BRDT: variants seen among roughly 807,000 people sequenced by gnomAD.
BRDT encodes bromodomain testis-specific protein.
In BRDT, 77 loss-of-function variants were observed where a neutral mutation model predicts 113.9. That is an observed-to-expected ratio of 0.68 (90% CI 0.56 to 0.82). The LOEUF is 0.82. Ranked by LOEUF, BRDT falls within the 40% of genes least tolerant of loss-of-function variation. The pLI is 0.00. For synonymous variants in BRDT, 358 were observed against 366.5 expected (o/e 0.98, Z 0.26); for missense variants, 1,027 against 1,105.4 (o/e 0.93, Z 1.01).
intron 7 of BRDT, among the ~76,000 whole-genome samples, chr1:91,978,642 A>G (rs12045408): frequency 0.096 from 14,616 of 152,122 alleles, 1,072 homozygotes; most frequent in East Asian, 0.4. Flanking sequence ...TGTCCCACTG[A>G]GGGGACAGTC....
chr1:91,963,052 G>C, intron 2 of BRDT, 106 bp downstream of exon 2: 1 of 892,254 alleles, frequency 1.1e-6, no homozygotes, highest in Non-Finnish European at 1.6e-6. Context: ...GGCCAGGCGC[G>C]TTGGCTCCCG....
At chr1:91,973,880 A>C (rs532190566) in intron 4 of BRDT, among the ~76,000 whole-genome samples, 3 of 152,284 alleles carry the variant, frequency 2.0e-5, no homozygotes, top group African/African-American at 7.2e-5. Flanking sequence ...AAAAGTTTTC[A>C]AACTATACTA....
At chr1:92,008,303 G>A (rs879840428) in intron 18 of BRDT, among the ~76,000 whole-genome samples, 4 of 152,042 alleles carry the variant, frequency 2.6e-5, no homozygotes, top group Non-Finnish European at 5.9e-5. Flanking sequence ...TTATAGTCTG[G>A]GTCCGCTGGC....
intron 15 of BRDT, among the ~76,000 whole-genome samples, chr1:91,997,118 A>AT (rs139209679): frequency 0.069 from 10,373 of 150,588 alleles, 363 homozygotes; most frequent in Non-Finnish European, 0.088. Context: ...AGGAAGATAG[A>AT]TTTTTTTTTT....
intron 14 of BRDT, 100 bp downstream of exon 14, chr1:91,992,414 A>C (rs1685878792): frequency 4.3e-5 from 4 of 92,838 alleles, no homozygotes; most frequent in South Asian, 4.1e-4. Flanking sequence ...AAGAGAGGCA[A>C]AAAAAAAAAA....
chr1:91,976,944 G>A lies in BRDT; in HGVS notation c.619-99G>A, dbSNP rs1570517155. On this transcript the variant is annotated intron_variant, in intron 5 of 18. Transcript: ENST00000399546. ...TGTAAATTATCTATATGAAGACTTG[G>A]TGCCAATAATCTTTCCCTTTTTTTC... is the stretch of plus-strand genomic sequence containing the variant. 6.7e-6 allele frequency: 6 copies of A among 902,168 alleles called. 1 individual carries two copies. In the South Asian group the frequency reaches 8.3e-5, roughly 13 times the overall value. The allele number at this position is 902,168 out of a possible 1,614,324, so 55.9% of individuals were successfully genotyped here. A position where few individuals can be genotyped will look rare whatever the true frequency, so the allele number is the denominator to read the frequency against.
chr1:91,995,212 G>T (rs1412322591), intron 15 of BRDT, among the ~76,000 whole-genome samples: 2 of 152,076 alleles, frequency 1.3e-5, no homozygotes, highest in Non-Finnish European at 2.9e-5. Context: ...GTTAAGGGCA[G>T]ATATGAATAT....
chr1:91,982,145 A>T (rs1201929129), intron 12 of BRDT, among the ~76,000 whole-genome samples: 2 of 152,204 alleles, frequency 1.3e-5, no homozygotes, highest in Non-Finnish European at 2.9e-5. Flanking sequence ...GATCACTCTA[A>T]TGTTGCAAGG....
At chr1:91,978,997 C>CAAAAAAAAA (rs774952902) in intron 7 of BRDT, among the ~76,000 whole-genome samples, 1 of 77,152 alleles carries the variant, frequency 1.3e-5, no homozygotes, top group Non-Finnish European at 2.6e-5. Flanking sequence ...GACTACGTCT[C>CAAAAAAAAA]AAAAAAAAAA....
chr1:91,956,476 C>G (rs552050427), intron 1 of BRDT, among the ~76,000 whole-genome samples: 29 of 152,282 alleles, frequency 1.9e-4, no homozygotes, highest in African/African-American at 6.5e-4. Flanking sequence ...TCTGCATTGT[C>G]TCATACAGTA....
At chr1:91,995,600 T>TG (rs1189564601) in intron 15 of BRDT, among the ~76,000 whole-genome samples, 6 of 151,822 alleles carry the variant, frequency 4.0e-5, no homozygotes, top group Admixed American at 6.6e-5. Flanking sequence ...GTAGCTGGGA[T>TG]TACAGGCATG....
At chr1:91,978,945 C>A (rs1201588952) in intron 7 of BRDT, among the ~76,000 whole-genome samples, 1 of 137,670 alleles carries the variant, frequency 7.3e-6, no homozygotes, top group African/African-American at 2.6e-5. Context: ...TTGCAGTGAG[C>A]CGAAATTGCG....
chr1:91,961,289 C>T (rs955723162), intron 1 of BRDT, among the ~76,000 whole-genome samples: 2 of 151,914 alleles, frequency 1.3e-5, no homozygotes, highest in Admixed American at 6.6e-5. Flanking sequence ...CCAGTCTGGG[C>T]GGTAGAGTGA....
At chr1:91,976,474 A>G in intron 5 of BRDT, 36 bp downstream of exon 5, 4 of 1,485,240 alleles carry the variant, frequency 2.7e-6, no homozygotes, top group Non-Finnish European at 3.6e-6. Context: ...ATTGCTTTTT[A>G]ACACTGGATT....
At chr1:92,005,917 A>G (rs899909992) in intron 18 of BRDT, among the ~76,000 whole-genome samples, 10 of 152,230 alleles carry the variant, frequency 6.6e-5, no homozygotes, top group African/African-American at 9.6e-5. Context: ...TAGATTAAGA[A>G]GCTGACTTTC....
chr1:91,993,329 CTTAG>C (rs974777376), intron 14 of BRDT, among the ~76,000 whole-genome samples: 2 of 152,156 alleles, frequency 1.3e-5, no homozygotes, highest in African/African-American at 4.8e-5. Context: ...CAACTCAGAG[CTTAG>C]TTAGATAAGG....
At chr1:92,009,322 A>ATT (rs1464301091) in intron 18 of BRDT, among the ~76,000 whole-genome samples, 1 of 150,418 alleles carries the variant, frequency 6.6e-6, no homozygotes, top group Non-Finnish European at 1.5e-5. Context: ...ATAGTGTTCC[A>ATT]TTATATATAT....
intron 4 of BRDT, among the ~76,000 whole-genome samples, chr1:91,968,880 TGTTA>T (rs1290280581): frequency 6.6e-6 from 1 of 152,152 alleles, no homozygotes; most frequent in Non-Finnish European, 1.5e-5. Context: ...AGTCATTCCA[TGTTA>T]GTTTCCTCAT....
chr1:91,981,722 T>G lies in BRDT; in HGVS notation c.1969T>G (p.Leu657Val). 6.2e-7 allele frequency: 1 copy of G among 1,614,076 alleles called. No individual in the cohort carries two copies. The highest frequency in any genetic ancestry group is 8.5e-7 in the Non-Finnish European group (1 of 1,179,956). ...AGAGTCTGAAAGTAGCAGCAGTGAC[T>G]TAAGCTCTTCAGACAGCAGTGATTC... ...SSESESSSSD[L>V]SSSDSSDSES... The change falls in exon 12 of 19, where the codon TTA (leucine) becomes GTA (valine). Residue 657 changes from leucine (L) to valine (V), a missense_variant. By Grantham distance (32) the Leu-to-Val change is conservative (BLOSUM62 1). Coordinates refer to ENST00000399546, the MANE Select transcript of BRDT (RefSeq NM_207189.4).
Sources: gnomAD v4.1 joint callset for allele counts (sites outside exome capture counted in the v4.1 genomes callset) on GRCh38, gnomAD v4.1.1 for gene constraint, MANE v1.5 for transcripts, NCBI Gene and HGNC (gene_info 2026-07-23, HGNC 2026-07-21) for gene names.